The following CRISPLD2 variants were observed in gnomAD, a reference collection of about 807,000 sequenced individuals.
CRISPLD2 encodes the protein cysteine-rich secretory protein LCCL domain-containing 2.
A neutral mutation model predicts 71.1 loss-of-function variants in CRISPLD2; 47 were observed. The ratio of observed to expected loss-of-function variants is 0.66; its 90% CI spans 0.52 to 0.84. CRISPLD2 has a LOEUF of 0.84. Ranked by LOEUF, CRISPLD2 falls within the 40% of genes least tolerant of loss-of-function variation. The pLI, the probability that CRISPLD2 is intolerant of heterozygous loss-of-function variation, is 0.00. For synonymous variants in CRISPLD2, 317 were observed against 250.1 expected, an observed-to-expected ratio of 1.27 and a Z score of -2.52; for missense variants, 830 against 651.1, an observed-to-expected ratio of 1.27 and a Z score of -2.99.
intron 13 of CRISPLD2, among the ~76,000 whole-genome samples, chr16:84,887,832 C>T (rs2071626474): frequency 1.3e-5 from 2 of 152,132 alleles, no homozygotes; most frequent in South Asian, 4.1e-4. Context: ...GCTGAGATTG[C>T]GCCATTGCAC....
chr16:84,861,324 G>GAT (rs147002612), intron 6 of CRISPLD2, among the ~76,000 whole-genome samples: 13 of 151,152 alleles, frequency 8.6e-5, no homozygotes, highest in South Asian at 6.3e-4. Flanking sequence ...GAACTAATAG[G>GAT]ATATATATAT....
chr16:84,903,100 G>A (rs1341845131), intron 14 of CRISPLD2, among the ~76,000 whole-genome samples: 1 of 152,024 alleles, frequency 6.6e-6, no homozygotes, highest in African/African-American at 2.4e-5. Flanking sequence ...TCAGTTTGAT[G>A]AGGTGGCACC....
intron 5 of CRISPLD2, among the ~76,000 whole-genome samples, chr16:84,853,906 C>G (rs148378958): frequency 6.6e-6 from 1 of 152,226 alleles, no homozygotes; most frequent in African/African-American, 2.4e-5. Flanking sequence ...GGGCCCAAGC[C>G]GGGGAGCCTG....
chr16:84,871,858 T>C (rs1246549874), intron 8 of CRISPLD2, among the ~76,000 whole-genome samples: 4 of 140,472 alleles, frequency 2.8e-5, no homozygotes, highest in Non-Finnish European at 6.0e-5. Flanking sequence ...GGCCTTGTTT[T>C]TTTTCAAATG....
At chr16:84,877,903 C>G (rs1419936425) in intron 12 of CRISPLD2, among the ~76,000 whole-genome samples, 1 of 150,946 alleles carries the variant, frequency 6.6e-6, no homozygotes, top group Non-Finnish European at 1.5e-5. Flanking sequence ...ATGATACGAT[C>G]CACCCATTAG....
At chr16:84,891,191 A>G (rs2071659334) in intron 14 of CRISPLD2, among the ~76,000 whole-genome samples, 2 of 152,196 alleles carry the variant, frequency 1.3e-5, no homozygotes, top group African/African-American at 4.8e-5. Context: ...AATGTTGAAG[A>G]TTTCATATTT....
At chr16:84,897,996 C>G (rs1235888979) in intron 14 of CRISPLD2, among the ~76,000 whole-genome samples, 1 of 152,238 alleles carries the variant, frequency 6.6e-6, no homozygotes, top group Non-Finnish European at 1.5e-5. Context: ...CAAGCCCTAG[C>G]CTGTCTAGCC....
rs376440486 is a variant in CRISPLD2, at chr16:84,863,362, A to G, written c.710-3535A>G. Among the ~76,000 whole-genome samples the G allele has an allele frequency of 2.7e-4, 41 of 152,350 alleles. 1 individual carries two copies. Among genetic ancestry groups the G allele is most frequent in the African/African-American group, 9.6e-4 (40 of 41,590 alleles). ...CAATTTCTCTAGCTAAGCACGCAGC[A>G]AGTCTCCTCTGAAGCAGCTTATCTG... On this transcript the variant is annotated intron_variant, in intron 6 of 14. Coordinates refer to ENST00000262424, the MANE Select transcript of CRISPLD2 (RefSeq NM_031476.4).
At chr16:84,896,268 C>T (rs1026843432) in intron 14 of CRISPLD2, among the ~76,000 whole-genome samples, 91 of 151,896 alleles carry the variant, frequency 6.0e-4, no homozygotes, top group East Asian at 1.9e-4. Flanking sequence ...AGGCTGGTCT[C>T]GAATTCGTGA....
intron 1 of CRISPLD2, among the ~76,000 whole-genome samples, chr16:84,825,111 C>G (rs527465655): frequency 8.6e-5 from 13 of 151,666 alleles, no homozygotes; most frequent in African/African-American, 3.1e-4. Context: ...CATTTCAAAA[C>G]AAAAACAAAA....
intron 6 of CRISPLD2, among the ~76,000 whole-genome samples, chr16:84,863,361 C>A (rs936117658): frequency 2.6e-5 from 4 of 152,228 alleles, no homozygotes; most frequent in African/African-American, 9.6e-5. Flanking sequence ...AAGCACGCAG[C>A]AAGTCTCCTC....
chr16:84,830,596 C>T (rs527881400), intron 1 of CRISPLD2, among the ~76,000 whole-genome samples: 7 of 151,936 alleles, frequency 4.6e-5, no homozygotes, highest in Non-Finnish European at 7.4e-5. Context: ...CCAGCTACTC[C>T]GGAGGTTGAG....
chr16:84,881,448 G>C (rs917747950), intron 13 of CRISPLD2, among the ~76,000 whole-genome samples: 4 of 152,122 alleles, frequency 2.6e-5, no homozygotes, highest in Admixed American at 6.6e-5. Flanking sequence ...TGGTTGTCCA[G>C]GGTTTGGGGA....
intron 14 of CRISPLD2, among the ~76,000 whole-genome samples, chr16:84,894,869 C>G (rs1041894773): frequency 1.3e-5 from 2 of 152,038 alleles, no homozygotes; most frequent in African/African-American, 2.4e-5. Flanking sequence ...TTAGACAACT[C>G]AGCACCGAGA....
Position 84,850,772 on chromosome 16 carries a change from G to A in CRISPLD2, c.608+89G>A, listed in dbSNP as rs1044776892. ...CCCAGTGAAAACTGGCTTGAGCAGC[G>A]AAGTCTTTAATATCTCACATAACAA... On this transcript the variant is annotated intron_variant, in intron 5 of 14. Coordinates refer to ENST00000262424, the MANE Select transcript of CRISPLD2 (RefSeq NM_031476.4). 66 of 974,946 alleles carry A rather than the reference G, an allele frequency of 6.8e-5. 1 individual carries two copies. Among genetic ancestry groups the A allele is most frequent in the African/African-American group, 3.0e-4 (19 of 62,618 alleles). The allele number at this position is 974,946 out of a possible 1,614,324, so 60.4% of individuals were successfully genotyped here. A position where few individuals can be genotyped will look rare whatever the true frequency, so the allele number is the denominator to read the frequency against.
intron 11 of CRISPLD2, among the ~76,000 whole-genome samples, chr16:84,876,164 A>C (rs1366964446): frequency 6.6e-6 from 1 of 152,178 alleles, no homozygotes; most frequent in East Asian, 1.9e-4. Flanking sequence ...CATCAAACAT[A>C]AGGACCACAA....
intron 13 of CRISPLD2, among the ~76,000 whole-genome samples, chr16:84,885,933 C>T (rs1390722280): frequency 6.6e-6 from 1 of 151,760 alleles, no homozygotes; most frequent in Non-Finnish European, 1.5e-5. Context: ...ATCCTCCCAC[C>T]TCAGCCACCC....
At chr16:84,868,961 G>C (rs769686560) in intron 8 of CRISPLD2, 50 bp downstream of exon 8, 18 of 1,507,672 alleles carry the variant, frequency 1.2e-5, no homozygotes, top group Non-Finnish European at 1.5e-5. Context: ...AGTCTGTGCT[G>C]GGCTGTCCTA....
At chr16:84,863,415 AG>A (rs1400149742) in intron 6 of CRISPLD2, among the ~76,000 whole-genome samples, 1 of 152,256 alleles carries the variant, frequency 6.6e-6, no homozygotes, top group Non-Finnish European at 1.5e-5. Context: ...GAGCATATCC[AG>A]GGTGCCTGGT....
Sources: allele counts gnomAD v4.1 joint callset (sites outside exome capture counted in the v4.1 genomes callset), GRCh38; gene constraint gnomAD v4.1.1; transcripts MANE v1.5; gene names NCBI Gene and HGNC (gene_info 2026-07-23, HGNC 2026-07-21).